The following METTL16 variants were observed in gnomAD, a reference collection of about 807,000 sequenced individuals.
METTL16 encodes methyltransferase 16, RNA N6-adenosine.
Under a neutral mutation model 57.9 loss-of-function variants are expected in METTL16, and 19 were observed. The observed-to-expected ratio is 0.33, with a 90% CI of 0.23 to 0.48. The LOEUF (loss-of-function observed/expected upper bound fraction) is 0.48, where lower values mean the gene tolerates loss of function less well. Among genes scored for constraint, METTL16 ranks in the 20% least tolerant of loss-of-function variants. The pLI, the probability that METTL16 is intolerant of heterozygous loss-of-function variation, is 0.99. For missense variants in METTL16, 434 were observed against 691.5 expected, an observed-to-expected ratio of 0.63 and a Z score of 4.18; for synonymous variants, 246 against 255.6, an observed-to-expected ratio of 0.96 and a Z score of 0.36.
At chr17:2,507,996 C>T (rs981351147) in intron 1 of METTL16, among the ~76,000 whole-genome samples, 1 of 152,102 alleles carries the variant, frequency 6.6e-6, no homozygotes, top group African/African-American at 2.4e-5. Context: ...CTGCGGAAGG[C>T]CGCAGGGTTC....
At chr17:2,486,534 G>A (rs1392234411) in intron 2 of METTL16, among the ~76,000 whole-genome samples, 1 of 152,098 alleles carries the variant, frequency 6.6e-6, no homozygotes, top group Non-Finnish European at 1.5e-5. Flanking sequence ...ACCTCCCAAA[G>A]TGCTGGGATT....
intron 6 of METTL16, among the ~76,000 whole-genome samples, chr17:2,462,506 T>A (rs953099953): frequency 2.6e-5 from 4 of 152,178 alleles, no homozygotes; most frequent in African/African-American, 9.7e-5. Context: ...AACTGTAATC[T>A]CTAGTGTTGG....
chr17:2,487,806 C>T (rs1198126795), intron 2 of METTL16, among the ~76,000 whole-genome samples: 1 of 151,682 alleles, frequency 6.6e-6, no homozygotes, highest in African/African-American at 2.4e-5. Flanking sequence ...GAGTTCAAGA[C>T]CAGCCTGGGC....
Position 2,506,684 on chromosome 17 carries a change from T to A in METTL16, c.1-4353A>T, listed in dbSNP as rs1041609698. On this transcript the variant is annotated intron_variant, in intron 1 of 9. Coordinates refer to ENST00000263092, the MANE Select transcript of METTL16 (RefSeq NM_024086.4). ...GCCTTGGCCCCGCAAAGTGCCGAGA[T>A]TGCAGCCTCTGCCCAGCCGCCACCC... Among the ~76,000 whole-genome samples, 95 of 152,122 alleles carry A rather than the reference T, an allele frequency of 6.2e-4. 1 individual carries two copies. The highest frequency in any genetic ancestry group is 1.5e-5 in the Non-Finnish European group (1 of 68,004).
intron 2 of METTL16, among the ~76,000 whole-genome samples, chr17:2,500,636 A>G (rs55925141): frequency 0.027 from 4,091 of 152,006 alleles, 97 homozygotes; most frequent in African/African-American, 0.067. Flanking sequence ...CTTCCTTCCC[A>G]TAGCTGAATC....
chr17:2,494,522 G>C (rs2067426491), intron 2 of METTL16, among the ~76,000 whole-genome samples: 1 of 152,076 alleles, frequency 6.6e-6, no homozygotes, highest in Non-Finnish European at 1.5e-5. Context: ...TTCAAACTTT[G>C]TTGTGGTGAT....
intron 6 of METTL16, among the ~76,000 whole-genome samples, chr17:2,448,789 TA>T (rs1288709390): frequency 0.026 from 1,242 of 47,642 alleles, 26 homozygotes; most frequent in South Asian, 0.094. Context: ...AATAAAAAAA[TA>T]AAAATAAAAT....
intron 8 of METTL16, among the ~76,000 whole-genome samples, chr17:2,422,743 G>A (rs892970739): frequency 2.0e-5 from 3 of 152,076 alleles, no homozygotes; most frequent in African/African-American, 7.2e-5. Context: ...CAGCACTTTC[G>A]GAGGCCGAGG....
intron 6 of METTL16, among the ~76,000 whole-genome samples, chr17:2,446,871 G>T (rs1031225659): frequency 6.6e-6 from 1 of 151,812 alleles, no homozygotes; most frequent in Non-Finnish European, 1.5e-5. Flanking sequence ...ATGGAGTCTC[G>T]TTCACTCAGT....
intron 2 of METTL16, among the ~76,000 whole-genome samples, chr17:2,491,505 A>ACACTT (rs2067388562): frequency 1.3e-5 from 2 of 152,190 alleles, no homozygotes; most frequent in South Asian, 4.1e-4. Context: ...TAGTCTTTAG[A>ACACTT]TGGTCACTGA....
chr17:2,427,595 A>T (rs2066828933), intron 8 of METTL16, among the ~76,000 whole-genome samples: 1 of 151,990 alleles, frequency 6.6e-6, no homozygotes, highest in South Asian at 2.1e-4. Context: ...TGAGGACTGG[A>T]GTTTTTGGCA....
chr17:2,486,997 C>T (rs972019674), intron 2 of METTL16, among the ~76,000 whole-genome samples: 1 of 86,016 alleles, frequency 1.2e-5, no homozygotes, highest in South Asian at 4.6e-4. Flanking sequence ...GAGTGAGATC[C>T]TGTCTCAAAA....
At chr17:2,447,190 G>T (rs1269852346) in intron 6 of METTL16, among the ~76,000 whole-genome samples, 4 of 146,618 alleles carry the variant, frequency 2.7e-5, no homozygotes. Context: ...GTCTCTGCCC[G>T]GCCGCCCATC....
At position 2,437,425 on chromosome 17, in the gene METTL16, T is replaced by C. The variant is rs1217088799; in HGVS notation, c.888+684A>G. Reference sequence around the variant, plus strand: ...GGCAGCTATTCTAGGAAAGCAGCAGTGGTAAGGAAAAGAAAGAGACCTCAT... The same window carrying C: ...GGCAGCTATTCTAGGAAAGCAGCAGCGGTAAGGAAAAGAAAGAGACCTCAT... On this transcript the variant is annotated intron_variant, in intron 8 of 9. Transcript: ENST00000263092. 3.3e-5 allele frequency among the ~76,000 whole-genome samples: 5 copies of C among 152,296 alleles called. No homozygotes were observed. In the Middle Eastern group the frequency reaches 0.014, roughly 414 times the overall value.
chr17:2,490,132 G>A (rs1265770832), intron 2 of METTL16, among the ~76,000 whole-genome samples: 1 of 149,774 alleles, frequency 6.7e-6, no homozygotes, highest in African/African-American at 2.6e-5. Flanking sequence ...AAGTCTGGAA[G>A]GTAAGTAGGG....
intron 1 of METTL16, among the ~76,000 whole-genome samples, chr17:2,511,103 C>A (rs985993420): frequency 4.6e-5 from 7 of 152,084 alleles, no homozygotes; most frequent in Non-Finnish European, 1.5e-5. Flanking sequence ...ACACAAAGCA[C>A]CCTCACTGAG....
chr17:2,494,768 G>T (rs965539188), intron 2 of METTL16, among the ~76,000 whole-genome samples: 2 of 151,972 alleles, frequency 1.3e-5, no homozygotes, highest in African/African-American at 4.8e-5. Flanking sequence ...GGGAGGCTGA[G>T]GCAGGCGAAT....
chr17:2,495,625 G>A (rs954063104), intron 2 of METTL16, among the ~76,000 whole-genome samples: 6 of 149,352 alleles, frequency 4.0e-5, no homozygotes, highest in African/African-American at 1.3e-4. Flanking sequence ...AACCCAGGAG[G>A]TGGAGGCTGC....
chr17:2,433,394 G>A (rs1193656246), intron 8 of METTL16, among the ~76,000 whole-genome samples: 1 of 152,116 alleles, frequency 6.6e-6, no homozygotes, highest in Non-Finnish European at 1.5e-5. Context: ...CTTGTGGTAG[G>A]TGGCCACTCA....
Sources: allele counts gnomAD v4.1 joint callset (sites outside exome capture counted in the v4.1 genomes callset), GRCh38; gene constraint gnomAD v4.1.1; transcripts MANE v1.5; gene names NCBI Gene and HGNC (gene_info 2026-07-23, HGNC 2026-07-21).